Variants in GPRIN3 observed in about 807,000 individuals in gnomAD.
The protein encoded by GPRIN3 is G protein-regulated inducer of neurite outgrowth 3.
Under a neutral mutation model 13.7 loss-of-function variants are expected in GPRIN3, and 12 were observed. The ratio of observed to expected loss-of-function variants is 0.87; its 90% CI spans 0.56 to 1.42. The LOEUF (loss-of-function observed/expected upper bound fraction) is 1.42, where lower values mean the gene tolerates loss of function less well. Ranked by LOEUF, GPRIN3 falls within the 40% of genes most tolerant of loss-of-function variation. The pLI, the probability that GPRIN3 is intolerant of heterozygous loss-of-function variation, is 0.00. For missense variants in GPRIN3, 1,009 were observed against 958.7 expected (o/e 1.05, Z -0.69); for synonymous variants, 377 against 372.7 (o/e 1.01, Z -0.13).
chr4:89,269,056 A>G (rs1723857109), intron 1 of GPRIN3, among the ~76,000 whole-genome samples: 1 of 152,218 alleles, frequency 6.6e-6, no homozygotes, highest in African/African-American at 2.4e-5. Context: ...AAGGTTCATG[A>G]CAGGTGGGAT....
chr4:89,256,472 G>A (rs183962872), intron 1 of GPRIN3, among the ~76,000 whole-genome samples: 1 of 152,322 alleles, frequency 6.6e-6, no homozygotes, highest in Non-Finnish European at 1.5e-5. Flanking sequence ...AAGAGAGGCA[G>A]CAGGGAATCT....
At chr4:89,294,726 T>G (rs568822103) in intron 1 of GPRIN3, among the ~76,000 whole-genome samples, 1 of 152,198 alleles carries the variant, frequency 6.6e-6, no homozygotes, top group Non-Finnish European at 1.5e-5. Flanking sequence ...CACTGTTATA[T>G]AGAAACTCCA....
chr4:89,256,961 A>G (rs923350312), intron 1 of GPRIN3, among the ~76,000 whole-genome samples: 2 of 152,216 alleles, frequency 1.3e-5, no homozygotes, highest in African/African-American at 4.8e-5. Flanking sequence ...CAGAGTTTGA[A>G]GGAGAAGTGA....
chr4:89,275,823 T>C (rs575580789), intron 1 of GPRIN3, among the ~76,000 whole-genome samples: 4 of 152,320 alleles, frequency 2.6e-5, no homozygotes, highest in Non-Finnish European at 4.4e-5. Context: ...TAATGCAATC[T>C]GGGATACCGA....
chr4:89,293,914 A>G (rs144330086), intron 1 of GPRIN3, among the ~76,000 whole-genome samples: 1 of 152,368 alleles, frequency 6.6e-6, no homozygotes, highest in East Asian at 1.9e-4. Flanking sequence ...ACTTGGTTAC[A>G]AATATTCTTT....
At position 89,237,231 on chromosome 4, in the gene GPRIN3, C is replaced by T. The variant is rs1457840666; in HGVS notation, c.*10549G>A. 2 of 152,210 alleles carry T rather than the reference C, an allele frequency of 1.3e-5. No individual in the cohort carries two copies. The highest frequency in any genetic ancestry group is 1.9e-4 in the East Asian group (1 of 5,198). 9.4% of individuals were successfully genotyped at this position (152,210 alleles called of 1,614,324 possible). A position where few individuals can be genotyped will look rare whatever the true frequency, so the allele number is the denominator to read the frequency against. ...ATATTTAGAAAAACCAGCTTCAGAACATTGCTAAGGTAGTTACAAGGGTCT... is the reference window on the plus strand; with the variant it reads ...ATATTTAGAAAAACCAGCTTCAGAATATTGCTAAGGTAGTTACAAGGGTCT... On this transcript the variant is annotated 3_prime_UTR_variant, in exon 2 of 2. Transcript: ENST00000609438.
intron 1 of GPRIN3, among the ~76,000 whole-genome samples, chr4:89,259,840 G>C (rs1723577502): frequency 6.6e-6 from 1 of 152,206 alleles, no homozygotes; most frequent in Admixed American, 6.5e-5. Context: ...TAGGCTGAGA[G>C]CTTATTGGTA....
rs962504983 is a variant in GPRIN3 at position 89,240,375 on chromosome 4, T to G, written c.*7405A>C. 2 of 152,194 alleles carry G rather than the reference T, an allele frequency of 1.3e-5. No individual in the cohort carries two copies. The highest frequency in any genetic ancestry group is 4.8e-5 in the African/African-American group (2 of 41,444). 9.4% of individuals were successfully genotyped at this position (152,194 alleles called of 1,614,324 possible). A position where few individuals can be genotyped will look rare whatever the true frequency, so the allele number is the denominator to read the frequency against. ...ATTTTTTTTCATTTAAATCTTTGAC[T>G]TCTCTTCGGTGTTGGTAGGCATAGT... On this transcript the variant is annotated 3_prime_UTR_variant, in exon 2 of 2. Transcript: ENST00000609438.
intron 1 of GPRIN3, among the ~76,000 whole-genome samples, chr4:89,271,333 T>A (rs1041988420): frequency 6.6e-6 from 1 of 152,082 alleles, no homozygotes; most frequent in Non-Finnish European, 1.5e-5. Flanking sequence ...CATGGTACCA[T>A]GATAGGAATG....
At chr4:89,257,915 T>C (rs754438521) in intron 1 of GPRIN3, among the ~76,000 whole-genome samples, 6 of 152,066 alleles carry the variant, frequency 3.9e-5, no homozygotes, top group South Asian at 2.1e-4. Flanking sequence ...TTAAGAGCCA[T>C]AGACTCTTCT....
intron 1 of GPRIN3, among the ~76,000 whole-genome samples, chr4:89,260,197 C>T (rs1723586461): frequency 6.6e-6 from 1 of 152,172 alleles, no homozygotes; most frequent in South Asian, 2.1e-4. Context: ...GGGAGCTGTT[C>T]ACTGAGATGG....
intron 1 of GPRIN3, among the ~76,000 whole-genome samples, chr4:89,296,457 C>CT (rs995012662): frequency 1.3e-5 from 2 of 151,454 alleles, no homozygotes; most frequent in Admixed American, 6.6e-5. Flanking sequence ...CATGGATTAC[C>CT]TTTTTTTTTC....
rs546448463 is a variant in GPRIN3 at position 89,287,821 on chromosome 4, T to C, written c.-124+19794A>G. Among the ~76,000 whole-genome samples the C allele has an allele frequency of 3.3e-5, 5 of 152,326 alleles. No homozygotes were observed. The South Asian group carries it at 8.3e-4, about 25-fold the overall frequency. On this transcript the variant is annotated intron_variant, in intron 1 of 1. Coordinates refer to ENST00000609438, the MANE Select transcript of GPRIN3 (RefSeq NM_198281.3). The stretch of plus-strand genomic sequence containing the variant: ...ATGTTGGGAGTGTTTAGAAGTGTTA[T>C]TGAATATTAGGAAAATCATAATAAA...
Position 89,264,645 on chromosome 4 carries a change from G to C in GPRIN3, c.-123-14412C>G, listed in dbSNP as rs368853555. 2.0e-5 allele frequency among the ~76,000 whole-genome samples: 3 copies of C among 152,160 alleles called. No individual in the cohort carries two copies. In the East Asian group the frequency reaches 5.8e-4, roughly 29 times the overall value. On this transcript the variant is annotated intron_variant, in intron 1 of 1. Transcript: ENST00000609438. ...TGGCAGCTGGAGCCAAGCAGGTGAG[G>C]ACAGAATAAGGGGCAAGATTAGAGA...
Position 89,243,301 on chromosome 4 carries a change from C to CT in GPRIN3, c.*4478dup, listed in dbSNP as rs1230639664. ...TGTAGACATCCTTAAGCCCATGTGTCTGGACAGATGACATTTGTAATTGCT... is the reference window on the plus strand; with the variant it reads ...TGTAGACATCCTTAAGCCCATGTGTCTTGGACAGATGACATTTGTAATTGCT... On this transcript the variant is annotated 3_prime_UTR_variant, in exon 2 of 2. Transcript: ENST00000609438. 2.0e-5 allele frequency: 3 copies of CT among 152,100 alleles called. No individual in the cohort carries two copies. Among genetic ancestry groups the CT allele is most frequent in the African/African-American group, 7.2e-5 (3 of 41,420 alleles). 9.4% of individuals were successfully genotyped at this position (152,100 alleles called of 1,614,324 possible). A position where few individuals can be genotyped will look rare whatever the true frequency, so the allele number is the denominator to read the frequency against.
chr4:89,286,659 A>G (rs11722128), intron 1 of GPRIN3, among the ~76,000 whole-genome samples: 73,206 of 151,844 alleles, frequency 0.48, 20,939 homozygotes, highest in Non-Finnish European at 0.63. Context: ...AGAAAACAAG[A>G]CTCTCAAAAA....
In GPRIN3 at chr4:89,248,053, C is replaced by A; in HGVS notation, c.2058G>T (p.Trp686Cys). The change falls in exon 2 of 2, where the codon TGG (tryptophan) becomes TGT (cysteine). Residue 686 changes from tryptophan to cysteine, a missense_variant. Trp to Cys is a radical substitution (Grantham distance 215). Transcript: ENST00000609438. ...CTTCCCAGGTCATTCCCTGCTCATC[C>A]CACACGACGTCCCTGACACGCTTGG... Reference protein sequence around the residue: ...KQSKRVRDVVWDEQGMTWEVY... With the variant: ...KQSKRVRDVVCDEQGMTWEVY... 6.2e-7 allele frequency: 1 copy of A among 1,614,094 alleles called. No homozygotes were observed. Among genetic ancestry groups the A allele is most frequent in the Non-Finnish European group, 8.5e-7 (1 of 1,179,964 alleles).
At chr4:89,262,950 AG>A (rs1052285540) in intron 1 of GPRIN3, among the ~76,000 whole-genome samples, 1 of 152,242 alleles carries the variant, frequency 6.6e-6, no homozygotes, top group African/African-American at 2.4e-5. Context: ...CATCAATAAA[AG>A]TGATTAAGAA....
At chr4:89,275,514 A>G (rs1283677289) in intron 1 of GPRIN3, among the ~76,000 whole-genome samples, 1 of 152,208 alleles carries the variant, frequency 6.6e-6, no homozygotes, top group African/African-American at 2.4e-5. Context: ...CATAAAAGAC[A>G]AAAGGATAGC....
Sources: gnomAD v4.1 joint callset for allele counts (sites outside exome capture counted in the v4.1 genomes callset) on GRCh38, gnomAD v4.1.1 for gene constraint, MANE v1.5 for transcripts, NCBI Gene and HGNC (gene_info 2026-07-23, HGNC 2026-07-21) for gene names.